ASL: variants seen among roughly 807,000 people sequenced by gnomAD.
ASL encodes argininosuccinase.
A neutral mutation model predicts 69.1 loss-of-function variants in ASL; 51 were observed. The ratio of observed to expected loss-of-function variants is 0.74; its 90% CI spans 0.59 to 0.93. The LOEUF (loss-of-function observed/expected upper bound fraction) is 0.93. Among genes scored for constraint, ASL ranks in the 40% least tolerant of loss-of-function variants. The probability of loss-of-function intolerance (pLI) is 0.00; values close to 1 mark genes in which losing one functional copy is unlikely to be tolerated. For missense variants in ASL, 540 were observed against 623.9 expected, an observed-to-expected ratio of 0.87 and a Z score of 1.43; for synonymous variants, 241 against 247.6, an observed-to-expected ratio of 0.97 and a Z score of 0.25.
At chr7:66,079,100 G>A (rs1354527979) in intron 2 of ASL, among the ~76,000 whole-genome samples, 1 of 151,998 alleles carries the variant, frequency 6.6e-6, no homozygotes, top group Non-Finnish European at 1.5e-5. Flanking sequence ...TGTGTTTTCA[G>A]TAGAGACGGA....
chr7:66,081,700 C>T (rs1454388329), intron 2 of ASL, 103 bp from the exon 3 acceptor site: 11 of 1,340,710 alleles, frequency 8.2e-6, no homozygotes, highest in Non-Finnish European at 1.1e-5. Flanking sequence ...TGATCTGATG[C>T]CCCTGCTACC....
At chr7:66,075,947 C>A (rs1423079387) in intron 1 of ASL, 91 bp downstream of exon 1, 3 of 1,200,670 alleles carry the variant, frequency 2.5e-6, no homozygotes, top group Non-Finnish European at 3.6e-6. Flanking sequence ...AAGGGCTGCG[C>A]TCCCTCAAGC....
intron 1 of ASL, 43 bp downstream of exon 1, chr7:66,075,899 CG>C: frequency 1.4e-6 from 1 of 703,900 alleles, no homozygotes; most frequent in Non-Finnish European, 2.4e-6. Flanking sequence ...GCGTGGAGGA[CG>C]CCGAGCACCG....
intron 10 of ASL, 40 bp from the exon 11 acceptor site, chr7:66,088,767 G>A (rs1448394101): frequency 6.4e-7 from 1 of 1,556,090 alleles, no homozygotes; most frequent in Non-Finnish European, 8.8e-7. Flanking sequence ...GGCTGGGTGG[G>A]GATGGGAGAG....
chr7:66,075,891 G>A (rs1281014829), intron 1 of ASL, 35 bp downstream of exon 1: 2 of 663,984 alleles, frequency 3.0e-6, no homozygotes, highest in Non-Finnish European at 5.2e-6. Context: ...CGGGACGGGC[G>A]TGGAGGACGC....
chr7:66,076,235 C>A (rs1584013750), intron 2 of ASL, 142 bp downstream of exon 2: 1 of 1,099,582 alleles, frequency 9.1e-7, no homozygotes, highest in Non-Finnish European at 1.3e-6. Context: ...GCACCCCCAG[C>A]CCTCCCGGGC....
intron 11 of ASL, 39 bp downstream of exon 11, chr7:66,088,960 C>G: frequency 6.2e-7 from 1 of 1,608,990 alleles, no homozygotes; most frequent in Admixed American, 1.7e-5. Flanking sequence ...CCGCTGCCGG[C>G]CTCTGTATCC....
chr7:66,075,974 G>C, intron 1 of ASL, 65 bp from the exon 2 acceptor site: 1 of 1,484,866 alleles, frequency 6.7e-7, no homozygotes, highest in South Asian at 1.2e-5. Context: ...CCCAGAACTC[G>C]GAGCCAGCCC....
In ASL at chr7:66,076,086, C is replaced by A. The variant is rs149918397; in HGVS notation, c.5C>A (p.Ala2Asp). 10 of 1,599,634 alleles carry A rather than the reference C, an allele frequency of 6.3e-6. No homozygotes were observed. Among genetic ancestry groups the A allele is most frequent in the African/African-American group, 5.4e-5 (4 of 74,648 alleles). MASESGKLWGGR... is the reference protein window; with the variant it reads MDSESGKLWGGR... The stretch of plus-strand genomic sequence containing the variant: ...GACGACGAGGAACCGCCCAACATGG[C>A]CTCGGAGGTGAGTGGGACCTCGGGG... Residue 2 changes from alanine to aspartate, a missense_variant, in exon 2 of 17, where the codon GCC (alanine) becomes GAC (aspartate). By Grantham distance (126) the Ala-to-Asp change is moderately radical. Coordinates refer to ENST00000304874, the MANE Select transcript of ASL (RefSeq NM_000048.4).
At chr7:66,076,619 C>A (rs1331672161) in intron 2 of ASL, among the ~76,000 whole-genome samples, 1 of 152,214 alleles carries the variant, frequency 6.6e-6, no homozygotes, top group Non-Finnish European at 1.5e-5. Context: ...TGGTCCCTTC[C>A]TGTCTCACTG....
chr7:66,080,385 C>CAAAAAAAAAAA (rs138360695), intron 2 of ASL, among the ~76,000 whole-genome samples: 1 of 61,340 alleles, frequency 1.6e-5, no homozygotes, highest in African/African-American at 7.3e-5. Context: ...GACTCCATCT[C>CAAAAAAAAAAA]AAAAAAAAAA....
intron 6 of ASL, among the ~76,000 whole-genome samples, chr7:66,083,809 C>T (rs1261676905): frequency 6.6e-6 from 1 of 152,208 alleles, no homozygotes; most frequent in African/African-American, 2.4e-5. Context: ...CTGCCTGTCC[C>T]CCAGATCCCC....
At chr7:66,082,567 C>T in intron 4 of ASL, 116 bp downstream of exon 4, 1 of 1,229,124 alleles carries the variant, frequency 8.1e-7, no homozygotes, top group Non-Finnish European at 1.2e-6. Context: ...GCATGTGAGA[C>T]CTCAGGACAT....
chr7:66,076,142 A>C (rs1297806049), intron 2 of ASL, 49 bp downstream of exon 2: 1 of 1,572,658 alleles, frequency 6.4e-7, no homozygotes, highest in African/African-American at 1.4e-5. Flanking sequence ...CAAAGGAGAG[A>C]GTGGGGGCGC....
In ASL at chr7:66,087,318, A is replaced by C. The variant is rs541367510; in HGVS notation, c.603-16A>C. ...CTGCCAGGAGCCCTGGTCACCATGA[A>C]TCCCTGTCCCTGCAGTGGGGCCATT... is the stretch of plus-strand genomic sequence containing the variant. On this transcript the variant is annotated splice_polypyrimidine_tract_variant and intron_variant, in intron 8 of 16. Coordinates refer to ENST00000304874, the MANE Select transcript of ASL (RefSeq NM_000048.4). 6.2e-7 allele frequency: 1 copy of C among 1,600,870 alleles called. No individual in the cohort carries two copies. The highest frequency in any genetic ancestry group is 8.5e-7 in the Non-Finnish European group (1 of 1,179,486).
chr7:66,092,146 G>A lies in ASL; in HGVS notation c.1143+60G>A, dbSNP rs539826827. ...ATGGGGTGCCCCCCCCAGAGGGTGG[G>A]GGAGCTCAGGAATGGGTGCAAGCGG... is the stretch of plus-strand genomic sequence containing the variant. On this transcript the variant is annotated intron_variant, in intron 15 of 16. Coordinates refer to ENST00000304874, the MANE Select transcript of ASL (RefSeq NM_000048.4). 15 of 1,586,378 alleles carry A rather than the reference G, an allele frequency of 9.5e-6. No homozygotes were observed. In the South Asian group the frequency reaches 1.4e-4, roughly 15 times the overall value.
chr7:66,076,213 C>T (rs1403208945), intron 2 of ASL, 120 bp downstream of exon 2: 3 of 1,323,632 alleles, frequency 2.3e-6, no homozygotes, highest in Non-Finnish European at 3.2e-6. Context: ...TTGAAAATTA[C>T]CTAGGAAGCC....
chr7:66,077,756 C>G (rs749160524), intron 2 of ASL, among the ~76,000 whole-genome samples: 4 of 152,002 alleles, frequency 2.6e-5, no homozygotes, highest in Admixed American at 6.6e-5. Context: ...CCACAAGTCC[C>G]AAAACCAAAA....
At chr7:66,082,717 GA>G (rs1349703478) in intron 4 of ASL, among the ~76,000 whole-genome samples, 162 bp from the exon 5 acceptor site, 2 of 152,000 alleles carry the variant, frequency 1.3e-5, no homozygotes, top group African/African-American at 4.8e-5. Context: ...AAAAAGAAAA[GA>G]AAAAAAGAAC....
Sources: gnomAD v4.1 joint callset for allele counts (sites outside exome capture counted in the v4.1 genomes callset) on GRCh38, gnomAD v4.1.1 for gene constraint, MANE v1.5 for transcripts, NCBI Gene and HGNC (gene_info 2026-07-23, HGNC 2026-07-21) for gene names.